Variants in FAM13B observed in about 807,000 individuals in gnomAD.
The protein encoded by FAM13B is family with sequence similarity 13 member B.
Under a neutral mutation model 117.3 loss-of-function variants are expected in FAM13B, and 60 were observed. That is an observed-to-expected ratio of 0.51 (90% confidence interval 0.42 to 0.63). The LOEUF (loss-of-function observed/expected upper bound fraction) is 0.63, where lower values mean the gene tolerates loss of function less well. Among genes scored for constraint, FAM13B ranks in the 30% least tolerant of loss-of-function variants. The probability of loss-of-function intolerance (pLI) is 0.00; values close to 1 mark genes in which losing one functional copy is unlikely to be tolerated. For synonymous variants in FAM13B, 332 were observed against 356.1 expected (o/e 0.93, Z 0.76); for missense variants, 972 against 1,091.9 (o/e 0.89, Z 1.55).
chr5:137,954,406 T>TG, intron 14 of FAM13B, 30 bp from the exon 15 acceptor site: 5 of 1,567,948 alleles, frequency 3.2e-6, no homozygotes, highest in Non-Finnish European at 4.3e-6. Context: ...AATAGTACCA[T>TG]GGGTCTCTTG....
chr5:138,044,045 T>C (rs766243944), intron 1 of FAM13B, among the ~76,000 whole-genome samples: 2 of 151,934 alleles, frequency 1.3e-5, no homozygotes, highest in African/African-American at 4.8e-5. Flanking sequence ...CAACCTCCTA[T>C]GTAGCTGGAA....
At chr5:138,011,700 G>C (rs1784065649) in intron 5 of FAM13B, 68 bp downstream of exon 5, 3 of 1,157,844 alleles carry the variant, frequency 2.6e-6, no homozygotes, top group Non-Finnish European at 3.7e-6. Flanking sequence ...TTACAGGCAT[G>C]AGCCACCGTG....
intron 14 of FAM13B, among the ~76,000 whole-genome samples, chr5:137,954,809 A>G (rs1210087702): frequency 6.6e-6 from 1 of 151,906 alleles, no homozygotes; most frequent in South Asian, 2.1e-4. Flanking sequence ...GTTGGTAGAG[A>G]CGAGGTCTCA....
chr5:138,028,328 G>A (rs1454103338), intron 1 of FAM13B, among the ~76,000 whole-genome samples: 1 of 152,174 alleles, frequency 6.6e-6, no homozygotes, highest in Admixed American at 6.5e-5. Context: ...ACTGATAAGA[G>A]TAAGAAGACT....
intron 4 of FAM13B, among the ~76,000 whole-genome samples, chr5:138,015,136 T>C (rs1784950863): frequency 6.6e-6 from 1 of 152,180 alleles, no homozygotes; most frequent in Admixed American, 6.5e-5. Context: ...GACAGTGCCT[T>C]TGGTAGAGGT....
At chr5:137,941,689 T>A (rs1334803896) in intron 23 of FAM13B, among the ~76,000 whole-genome samples, 1 of 152,150 alleles carries the variant, frequency 6.6e-6, no homozygotes, top group Admixed American at 6.5e-5. Flanking sequence ...AATTAAAGAA[T>A]ATAAAATCAC....
At chr5:137,940,967 G>A (rs1248618625) in intron 23 of FAM13B, among the ~76,000 whole-genome samples, 2 of 152,094 alleles carry the variant, frequency 1.3e-5, no homozygotes, top group Admixed American at 6.5e-5. Context: ...GTGCAGTGGC[G>A]ACATCTCAGC....
intron 17 of FAM13B, among the ~76,000 whole-genome samples, chr5:137,951,222 A>AAAT (rs1186056702): frequency 1.7e-4 from 25 of 150,920 alleles, no homozygotes; most frequent in Non-Finnish European, 3.4e-4. Context: ...AAAAAAAAAA[A>AAAT]AAAAAAAAAA....
At chr5:138,000,213 C>T (rs962740809) in intron 7 of FAM13B, among the ~76,000 whole-genome samples, 12 of 152,022 alleles carry the variant, frequency 7.9e-5, no homozygotes, top group Admixed American at 3.9e-4. Flanking sequence ...GCCTGGGCAA[C>T]GTAACGAGAC....
Position 138,032,785 on chromosome 5 carries a change from T to A in FAM13B, c.-206A>T. 1.0e-6 allele frequency: 1 copy of A among 985,730 alleles called. No individual in the cohort carries two copies. The highest frequency in any genetic ancestry group is 1.7e-5 in the African/African-American group (1 of 57,340). 61.1% of individuals were successfully genotyped at this position (985,730 alleles called of 1,614,324 possible). ...GGGTACCCGCCCGTTTACCTACCGT[T>A]GGAACCGCGATGCCCCGTTCCCTGG... On this transcript the variant is annotated 5_prime_UTR_variant, in exon 1 of 24. Transcript: ENST00000689681.
In FAM13B at chr5:137,959,600, G is replaced by A. The variant is rs372288257; in HGVS notation, c.1441+16C>T. The A allele has an allele frequency of 4.2e-5, 68 of 1,612,994 alleles. No homozygotes were observed. Among genetic ancestry groups the A allele is most frequent in the Admixed American group, 1.7e-4 (10 of 59,978 alleles). On this transcript the variant is annotated intron_variant, in intron 13 of 23. Transcript: ENST00000689681. ...AGTAACATTATCAGGAAAATAATGC[G>A]TGTGGGTAAAATTACCTTCCCATTT... is the stretch of plus-strand genomic sequence containing the variant.
intron 10 of FAM13B, among the ~76,000 whole-genome samples, chr5:137,980,076 G>T (rs1775233901): frequency 6.6e-6 from 1 of 151,340 alleles, no homozygotes; most frequent in African/African-American, 2.4e-5. Flanking sequence ...AAGAGGCTGA[G>T]GCAGGAGAAT....
chr5:138,041,749 C>A (rs1402423890), intron 1 of FAM13B, among the ~76,000 whole-genome samples: 1 of 149,396 alleles, frequency 6.7e-6, no homozygotes, highest in Admixed American at 6.7e-5. Context: ...CCAGCCTGGG[C>A]AACATAGCAA....
chr5:137,997,326 G>A (rs970647844), intron 7 of FAM13B, among the ~76,000 whole-genome samples: 1 of 152,028 alleles, frequency 6.6e-6, no homozygotes, highest in Admixed American at 6.6e-5. Context: ...AAAATTAGCT[G>A]GGCCTGGTGG....
At chr5:137,967,664 G>A (rs35549069) in intron 10 of FAM13B, among the ~76,000 whole-genome samples, 64,277 of 151,930 alleles carry the variant, frequency 0.42, 14,478 homozygotes, top group East Asian at 0.6. Context: ...AGGCTGAGGT[G>A]GGAGAATTGC....
rs756456922 is a variant in FAM13B at position 137,954,200 on chromosome 5, A to G, written c.1684T>C (p.Leu562=). ...GACAGTGCTTTAGATGAGGAATCCA[A>G]CTTTTCTGGATCATGTAGGAAACGC... is the stretch of plus-strand genomic sequence containing the variant. ...SQRFLHDPEK[L]DSSSKALSFT... is the part of the protein sequence containing the mutation. The change falls in exon 15 of 24, where the codon TTG becomes CTG. Residue 562 remains leucine (L), a synonymous_variant. Coordinates refer to ENST00000689681, the MANE Select transcript of FAM13B (RefSeq NM_001385994.1). 2.5e-6 allele frequency: 4 copies of G among 1,614,102 alleles called. No individual in the cohort carries two copies. The highest frequency in any genetic ancestry group is 1.6e-4 in the Middle Eastern group (1 of 6,062).
intron 1 of FAM13B, among the ~76,000 whole-genome samples, chr5:138,025,318 T>G (rs1279412279): frequency 6.3e-5 from 8 of 127,122 alleles, no homozygotes; most frequent in Non-Finnish European, 1.4e-4. Context: ...TATGTATTTT[T>G]TTTTTTTTTT....
At chr5:137,950,537 T>C (rs904662666) in intron 17 of FAM13B, among the ~76,000 whole-genome samples, 2 of 152,092 alleles carry the variant, frequency 1.3e-5, no homozygotes, top group African/African-American at 4.8e-5. Flanking sequence ...AGTAAGACTA[T>C]TTATTTTTCT....
chr5:138,034,202 C>G (rs940321302), upstream of FAM13B: 1 of 152,208 alleles, frequency 6.6e-6, no homozygotes, highest in Non-Finnish European at 1.5e-5. Context: ...TGTCCAGGAA[C>G]GAGGCAACTG....
Sources: allele counts gnomAD v4.1 joint callset (sites outside exome capture counted in the v4.1 genomes callset), GRCh38; gene constraint gnomAD v4.1.1; transcripts MANE v1.5; gene names NCBI Gene and HGNC (gene_info 2026-07-23, HGNC 2026-07-21).